The following PLCH1 variants were observed in gnomAD, a reference collection of about 807,000 sequenced individuals.
PLCH1 encodes 1-phosphatidylinositol 4,5-bisphosphate phosphodiesterase eta-1.
A neutral mutation model predicts 126.7 loss-of-function variants in PLCH1; 60 were observed. The observed-to-expected ratio is 0.47, with a 90% CI of 0.38 to 0.59. The LOEUF (loss-of-function observed/expected upper bound fraction) is 0.59. PLCH1 is among the 20% of genes least tolerant of loss of function. PLCH1 has a pLI of 0.00. For synonymous variants in PLCH1, 719 were observed against 734.9 expected (o/e 0.98, Z 0.35); for missense variants, 1,723 against 2,040.0 (o/e 0.84, Z 2.99).
At chr3:155,575,049 T>C (rs957991602) in intron 6 of PLCH1, among the ~76,000 whole-genome samples, 1 of 151,940 alleles carries the variant, frequency 6.6e-6, no homozygotes, top group African/African-American at 2.4e-5. Context: ...GAGAATCGCT[T>C]GAACCCAGCA....
intron 2 of PLCH1, among the ~76,000 whole-genome samples, chr3:155,626,801 G>GAAAAAAAAAAAAA (rs1737355762): frequency 1.6e-5 from 2 of 126,410 alleles, no homozygotes; most frequent in Non-Finnish European, 1.7e-5. Flanking sequence ...AAAAAAAAAG[G>GAAAAAAAAAAAAA]AAAAAGATGA....
rs963681167 is a variant in PLCH1, at chr3:155,479,997, A to G, written c.*971T>C. The G allele has an allele frequency of 6.6e-6, 1 of 152,552 alleles. No homozygotes were observed. Among genetic ancestry groups the G allele is most frequent in the African/African-American group, 2.4e-5 (1 of 41,446 alleles). The allele number at this position is 152,552 out of a possible 1,614,324, so 9.4% of individuals were successfully genotyped here. On this transcript the variant is annotated 3_prime_UTR_variant, in exon 23 of 23. Transcript: ENST00000460012. ...ATCTGAACATGCAATAAAAAAGTGA[A>G]TTCACAGTGAAAATAATGCATGTCA...
chr3:155,523,305 CT>C (rs1721446255), intron 11 of PLCH1, among the ~76,000 whole-genome samples: 1 of 151,784 alleles, frequency 6.6e-6, no homozygotes, highest in African/African-American at 2.4e-5. Flanking sequence ...AAGGAGGCTC[CT>C]TCATCTAGAA....
intron 2 of PLCH1, among the ~76,000 whole-genome samples, chr3:155,637,874 G>A (rs1420106146): frequency 1.3e-5 from 2 of 152,114 alleles, no homozygotes; most frequent in African/African-American, 4.8e-5. Flanking sequence ...CTCTTGAATT[G>A]CGCTTTTATG....
At chr3:155,530,511 G>T (rs1382121496) in intron 10 of PLCH1, among the ~76,000 whole-genome samples, 2 of 152,020 alleles carry the variant, frequency 1.3e-5, no homozygotes, top group South Asian at 4.2e-4. Context: ...TAGAGACGGG[G>T]TTTCACTGTG....
intron 6 of PLCH1, among the ~76,000 whole-genome samples, chr3:155,579,303 A>T (rs1730368405): frequency 6.6e-6 from 1 of 152,224 alleles, no homozygotes; most frequent in African/African-American, 2.4e-5. Flanking sequence ...CCCACTAGGA[A>T]TCTCACATTG....
intron 8 of PLCH1, among the ~76,000 whole-genome samples, chr3:155,556,677 G>A (rs980823066): frequency 3.3e-5 from 5 of 152,208 alleles, no homozygotes; most frequent in African/African-American, 1.2e-4. Context: ...TCCACAATGT[G>A]AGTGGGCCTC....
Position 155,504,583 on chromosome 3 carries a change from G to T in PLCH1, c.1676C>A (p.Ser559Tyr). 6.2e-7 allele frequency: 1 copy of T among 1,606,852 alleles called. No individual in the cohort carries two copies. Among genetic ancestry groups the T allele is most frequent in the Non-Finnish European group, 8.5e-7 (1 of 1,173,462 alleles). ...KESGKKSHGRSLMTNFGKHKK... is the reference protein window; with the variant it reads ...KESGKKSHGRYLMTNFGKHKK... Reference sequence around the variant, plus strand: ...ATGTTTTCCAAAGTTGGTCATGAGGGATCGTCCATGTGATTTCTTTCCACT... The same window carrying T: ...ATGTTTTCCAAAGTTGGTCATGAGGTATCGTCCATGTGATTTCTTTCCACT... The change falls in exon 13 of 23, where the codon TCC becomes TAC. Residue 559 changes from serine (S) to tyrosine (Y), a missense_variant. Around this residue, in one of 2 missense-constraint regions of PLCH1, gnomAD observed 776 missense variants for 1,062.9 expected, o/e 0.73. Coordinates refer to ENST00000460012, the MANE Select transcript of PLCH1 (RefSeq NM_014996.4).
chr3:155,490,017 G>A (rs1032684946), intron 19 of PLCH1, among the ~76,000 whole-genome samples: 26 of 152,164 alleles, frequency 1.7e-4, no homozygotes, highest in African/African-American at 6.0e-4. Flanking sequence ...AATGCAATTT[G>A]AGAAGGTTTC....
intron 2 of PLCH1, among the ~76,000 whole-genome samples, chr3:155,688,925 T>C (rs1452836474): frequency 6.6e-6 from 1 of 152,186 alleles, no homozygotes; most frequent in Non-Finnish European, 1.5e-5. Context: ...CTTCAATCCC[T>C]GGCTCCCAGA....
intron 2 of PLCH1, among the ~76,000 whole-genome samples, chr3:155,635,265 T>C (rs1030392986): frequency 2.6e-5 from 4 of 152,118 alleles, no homozygotes; most frequent in African/African-American, 9.7e-5. Context: ...CCAAAATGCC[T>C]AGTCATAGTT....
chr3:155,661,033 G>C (rs563864913), intron 2 of PLCH1, among the ~76,000 whole-genome samples: 13 of 152,300 alleles, frequency 8.5e-5, no homozygotes, highest in African/African-American at 2.4e-4. Flanking sequence ...TGCCAAATTT[G>C]TCAGCATTGC....
intron 1 of PLCH1, chr3:155,743,254 G>A (rs746088925): frequency 1.5e-5 from 7 of 454,308 alleles, no homozygotes; most frequent in Non-Finnish European, 3.1e-5. Flanking sequence ...CTCATCTGCT[G>A]GGCGCGGTGG....
chr3:155,682,803 A>G (rs1744640300), intron 2 of PLCH1, among the ~76,000 whole-genome samples: 1 of 152,246 alleles, frequency 6.6e-6, no homozygotes, highest in Middle Eastern at 3.2e-3. Context: ...AGTATAACCA[A>G]ACACTTAAAT....
At chr3:155,636,952 G>A (rs900150565) in intron 2 of PLCH1, among the ~76,000 whole-genome samples, 4 of 151,910 alleles carry the variant, frequency 2.6e-5, no homozygotes, top group African/African-American at 9.7e-5. Flanking sequence ...TATTTTTTAT[G>A]TCTCGGTTTT....
At chr3:155,635,678 C>G (rs1577205500) in intron 2 of PLCH1, among the ~76,000 whole-genome samples, 1 of 152,160 alleles carries the variant, frequency 6.6e-6, no homozygotes, top group East Asian at 1.9e-4. Context: ...TTTTTGCTTG[C>G]AAGTCTAAGA....
At chr3:155,549,468 T>C (rs1010182150) in intron 10 of PLCH1, among the ~76,000 whole-genome samples, 11 of 152,188 alleles carry the variant, frequency 7.2e-5, no homozygotes, top group Admixed American at 3.3e-4. Flanking sequence ...GCCTTCTCCT[T>C]TCCTGAACCT....
intron 21 of PLCH1, among the ~76,000 whole-genome samples, chr3:155,451,351 A>C (rs1272826912): frequency 6.6e-6 from 1 of 152,182 alleles, no homozygotes; most frequent in African/African-American, 2.4e-5. Flanking sequence ...ATGTTAAGTG[A>C]AGAAAATTTG....
chr3:155,555,387 A>G (rs879511227), intron 8 of PLCH1, among the ~76,000 whole-genome samples: 6 of 152,226 alleles, frequency 3.9e-5, no homozygotes, highest in Non-Finnish European at 7.3e-5. Context: ...TGCCTTACAT[A>G]ATCATTCGTC....
Sources: gnomAD v4.1 joint callset for allele counts (sites outside exome capture counted in the v4.1 genomes callset) on GRCh38, gnomAD v4.1.1 for gene constraint, gnomAD v4.1.1 regional missense constraint, MANE v1.5 for transcripts, NCBI Gene and HGNC (gene_info 2026-07-23, HGNC 2026-07-21) for gene names.